Variants in RTL9 observed in about 807,000 individuals in gnomAD.
The protein encoded by RTL9 is retrotransposon Gag-like protein 9.
Under a neutral mutation model 44.7 loss-of-function variants are expected in RTL9, and 19 were observed. The ratio of observed to expected loss-of-function variants is 0.42; its 90% CI spans 0.30 to 0.62. The LOEUF is 0.62. Ranked by LOEUF, RTL9 falls within the 20% of genes least tolerant of loss-of-function variation. The pLI is 0.16. For missense variants in RTL9, 1,105 were observed against 1,080.6 expected (o/e 1.02, Z -0.32); for synonymous variants, 407 against 398.9 (o/e 1.02, Z -0.24).
At chrX:110,363,700 A>G (rs952493017) in intron 1 of RTL9, among the ~76,000 whole-genome samples, 2 of 111,507 alleles carry the variant, frequency 1.8e-5, no homozygotes, top group African/African-American at 6.5e-5. Flanking sequence ...AGGGTGATGC[A>G]TGGATGCATC....
intron 1 of RTL9, among the ~76,000 whole-genome samples, chrX:110,430,675 TCA>T (rs2068790045): frequency 8.9e-6 from 1 of 112,481 alleles, no homozygotes; most frequent in Non-Finnish European, 1.9e-5. Context: ...TCTTGTGTTG[TCA>T]GTTAACCCTT....
At chrX:110,410,430 A>G (rs772034562) in intron 1 of RTL9, among the ~76,000 whole-genome samples, 6 of 112,304 alleles carry the variant, frequency 5.3e-5, no homozygotes, top group Non-Finnish European at 7.5e-5. Flanking sequence ...AATATCTTTG[A>G]CGATGTCTAT....
chrX:110,373,684 A>G (rs979217658), intron 1 of RTL9, among the ~76,000 whole-genome samples: 5 of 112,372 alleles, frequency 4.4e-5, no homozygotes, highest in Non-Finnish European at 7.5e-5. Flanking sequence ...ATCTTTTTGT[A>G]GCCCTCATGT....
At chrX:110,454,437 T>A in exon 1 of RTL9, 1 of 1,211,725 alleles carries the variant, frequency 8.3e-7, no homozygotes, top group Middle Eastern at 2.3e-4. Flanking sequence ...ACGGACCAGG[T>A]TTCTGGAAGG....
chrX:110,444,018 A>G (rs950566854), intron 1 of RTL9, among the ~76,000 whole-genome samples: 2 of 112,169 alleles, frequency 1.8e-5, no homozygotes, highest in East Asian at 5.6e-4. Flanking sequence ...CACTCTGGCA[A>G]TGGTATTCAG....
chrX:110,444,470 A>G (rs2068898446), intron 1 of RTL9, among the ~76,000 whole-genome samples: 1 of 112,792 alleles, frequency 8.9e-6, no homozygotes, highest in Non-Finnish European at 1.9e-5. Context: ...CCACCGTGCA[A>G]TGAGAAAGCC....
chrX:110,452,887 C>G (rs2068953964), exon 1 of RTL9: 11 of 1,209,913 alleles, frequency 9.1e-6, no homozygotes, highest in Non-Finnish European at 1.0e-5. Context: ...ATGTCCACAC[C>G]AACAGTGAGA....
At chrX:110,427,200 TC>T (rs1248900727) in intron 1 of RTL9, among the ~76,000 whole-genome samples, 2 of 111,938 alleles carry the variant, frequency 1.8e-5, no homozygotes, top group African/African-American at 3.3e-5. Flanking sequence ...TCACCTTCTC[TC>T]CTTAGTCCTC....
chrX:110,412,395 C>T (rs191760848), intron 1 of RTL9, among the ~76,000 whole-genome samples: 51 of 112,326 alleles, frequency 4.5e-4, no homozygotes, highest in Non-Finnish European at 5.6e-5. Flanking sequence ...ATTTATAATA[C>T]ATCCCAATAA....
At chrX:110,385,269 C>A (rs1378072206) in intron 1 of RTL9, among the ~76,000 whole-genome samples, 1 of 111,658 alleles carries the variant, frequency 9.0e-6, no homozygotes, top group Non-Finnish European at 1.9e-5. Flanking sequence ...ACATACAGAA[C>A]ACTTAAAAGA....
intron 1 of RTL9, among the ~76,000 whole-genome samples, chrX:110,378,359 C>T (rs769807347): frequency 9.0e-6 from 1 of 111,334 alleles, no homozygotes; most frequent in African/African-American, 3.3e-5. Context: ...TTGACTGTTG[C>T]GATAGCCTCC....
chrX:110,398,139 G>C (rs1398462848), intron 1 of RTL9, among the ~76,000 whole-genome samples: 1 of 111,996 alleles, frequency 8.9e-6, no homozygotes, highest in African/African-American at 3.2e-5. Context: ...TGCATTCATT[G>C]GCTCCCAGGA....
chrX:110,377,040 T>G (rs2068381675), intron 1 of RTL9, among the ~76,000 whole-genome samples: 1 of 111,367 alleles, frequency 9.0e-6, no homozygotes, highest in South Asian at 3.8e-4. Flanking sequence ...AGGCAGTGGG[T>G]GAAAGTGGAG....
At chrX:110,393,101 G>T (rs938399239) in intron 1 of RTL9, among the ~76,000 whole-genome samples, 3 of 111,372 alleles carry the variant, frequency 2.7e-5, no homozygotes, top group Non-Finnish European at 5.7e-5. Context: ...TCCCACCGGA[G>T]ACTGCATCTT....
At chrX:110,367,973 AATT>A (rs201193443) in intron 1 of RTL9, among the ~76,000 whole-genome samples, 9,307 of 85,234 alleles carry the variant, frequency 0.11, 685 homozygotes, top group African/African-American at 0.23. Flanking sequence ...AGTGCTGGCT[AATT>A]ATTATTATTA....
upstream of RTL9, chrX:110,418,966 C>T (rs1380817395): frequency 9.2e-6 from 1 of 108,212 alleles, no homozygotes; most frequent in African/African-American, 3.3e-5. Context: ...TGTGCATTGC[C>T]TATGACTCAC....
At chrX:110,368,912 C>T in intron 1 of RTL9, among the ~76,000 whole-genome samples, 2 of 111,967 alleles carry the variant, frequency 1.8e-5, no homozygotes, top group South Asian at 7.6e-4. Context: ...CAGCAATCCC[C>T]CACCCAGTGC....
chrX:110,406,443 T>G (rs2068602752), intron 1 of RTL9, among the ~76,000 whole-genome samples: 1 of 112,130 alleles, frequency 8.9e-6, no homozygotes, highest in South Asian at 3.7e-4. Context: ...AACTCATTCT[T>G]TTTTATGGCT....
chrX:110,371,888 T>G (rs1266326383), intron 1 of RTL9, among the ~76,000 whole-genome samples: 2 of 111,539 alleles, frequency 1.8e-5, no homozygotes, highest in African/African-American at 6.5e-5. Flanking sequence ...CCCTTAACAA[T>G]GCTCACACTG....
Sources: gnomAD v4.1 joint callset for allele counts (sites outside exome capture counted in the v4.1 genomes callset) on GRCh38, gnomAD v4.1.1 for gene constraint, MANE v1.5 for transcripts, NCBI Gene and HGNC (gene_info 2026-07-23, HGNC 2026-07-21) for gene names.